Variants in GALNTL6 observed in about 807,000 individuals in gnomAD.
GALNTL6 encodes polypeptide N-acetylgalactosaminyltransferase-like 6.
Under a neutral mutation model 73.7 loss-of-function variants are expected in GALNTL6, and 46 were observed. The observed-to-expected ratio is 0.62, with a 90% CI of 0.49 to 0.80. GALNTL6 has a LOEUF of 0.80. Ranked by LOEUF, GALNTL6 falls within the 30% of genes least tolerant of loss-of-function variation. The probability of loss-of-function intolerance (pLI) is 0.00; values close to 1 mark genes in which losing one functional copy is unlikely to be tolerated. For missense variants in GALNTL6, 604 were observed against 755.0 expected, an observed-to-expected ratio of 0.80 and a Z score of 2.34; for synonymous variants, 259 against 263.7, an observed-to-expected ratio of 0.98 and a Z score of 0.17.
chr4:172,299,752 T>C (rs1739838177), intron 3 of GALNTL6, among the ~76,000 whole-genome samples: 1 of 152,226 alleles, frequency 6.6e-6, no homozygotes, highest in South Asian at 2.1e-4. Context: ...ATAATTTCTG[T>C]TCTTTTACGT....
chr4:173,027,850 A>G (rs1264961321), intron 12 of GALNTL6, among the ~76,000 whole-genome samples: 1 of 152,240 alleles, frequency 6.6e-6, no homozygotes. Context: ...TACAATTAGC[A>G]TAGGCCCAAG....
intron 5 of GALNTL6, among the ~76,000 whole-genome samples, chr4:172,415,548 C>G (rs573737718): frequency 6.6e-6 from 1 of 152,210 alleles, no homozygotes; most frequent in Non-Finnish European, 1.5e-5. Context: ...CGAAGAAAAA[C>G]GACACTCACT....
intron 2 of GALNTL6, among the ~76,000 whole-genome samples, chr4:172,030,656 G>C (rs1019164353): frequency 6.6e-6 from 1 of 152,024 alleles, no homozygotes; most frequent in East Asian, 1.9e-4. Flanking sequence ...GTTGCAGTAA[G>C]CCAAGATCGC....
At chr4:171,942,561 G>A (rs929899263) in intron 2 of GALNTL6, among the ~76,000 whole-genome samples, 1 of 152,156 alleles carries the variant, frequency 6.6e-6, no homozygotes, top group African/African-American at 2.4e-5. Flanking sequence ...TCACTCCTAA[G>A]TCTGTTTATG....
intron 5 of GALNTL6, among the ~76,000 whole-genome samples, chr4:172,430,610 C>T (rs1731409863): frequency 6.6e-6 from 1 of 151,948 alleles, no homozygotes; most frequent in East Asian, 1.9e-4. Context: ...GAATAGGAGA[C>T]ATAATGAGAT....
At chr4:172,228,277 T>C (rs190110104) in intron 2 of GALNTL6, among the ~76,000 whole-genome samples, 12 of 152,270 alleles carry the variant, frequency 7.9e-5, no homozygotes, top group Non-Finnish European at 1.5e-4. Context: ...ATTATCAGTA[T>C]TCCTGATATT....
intron 5 of GALNTL6, among the ~76,000 whole-genome samples, chr4:172,454,933 A>C (rs938061330): frequency 4.6e-5 from 7 of 152,216 alleles, no homozygotes; most frequent in Admixed American, 3.9e-4. Context: ...AAGATGGCCA[A>C]ATAGGAACAG....
chr4:172,652,129 G>T (rs1211303930), intron 5 of GALNTL6, among the ~76,000 whole-genome samples: 1 of 152,186 alleles, frequency 6.6e-6, no homozygotes, highest in African/African-American at 2.4e-5. Context: ...TCTAGATTAT[G>T]TTTAAGGAGC....
At chr4:172,762,990 G>A (rs1166704132) in intron 5 of GALNTL6, among the ~76,000 whole-genome samples, 1 of 138,530 alleles carries the variant, frequency 7.2e-6, no homozygotes, top group Non-Finnish European at 1.5e-5. Context: ...GGCTGCCAGT[G>A]ACATCATTGC....
chr4:172,295,760 C>T (rs2111109718), intron 3 of GALNTL6, among the ~76,000 whole-genome samples: 1 of 151,720 alleles, frequency 6.6e-6, no homozygotes, highest in Middle Eastern at 3.4e-3. Flanking sequence ...TACCCACCAC[C>T]ATTAACACTA....
intron 5 of GALNTL6, among the ~76,000 whole-genome samples, chr4:172,566,209 C>G (rs1736549782): frequency 6.6e-6 from 1 of 152,100 alleles, no homozygotes; most frequent in East Asian, 1.9e-4. Flanking sequence ...CATACAGATA[C>G]AAAATATACC....
intron 3 of GALNTL6, among the ~76,000 whole-genome samples, chr4:172,234,069 A>T (rs1737163311): frequency 6.6e-6 from 1 of 152,052 alleles, no homozygotes; most frequent in African/African-American, 2.4e-5. Context: ...TAATATAGAA[A>T]TGTTAATAAC....
intron 2 of GALNTL6, among the ~76,000 whole-genome samples, chr4:171,942,971 G>A (rs1047403995): frequency 4.6e-5 from 7 of 152,104 alleles, no homozygotes; most frequent in Non-Finnish European, 1.0e-4. Flanking sequence ...TGCTCCAAAA[G>A]CAGAGCCTTA....
At chr4:172,719,732 G>A (rs6843306) in intron 5 of GALNTL6, among the ~76,000 whole-genome samples, 115,748 of 151,964 alleles carry the variant, frequency 0.76, 45,363 homozygotes, top group Middle Eastern at 0.89. Context: ...CTTGGGTCAT[G>A]TGCAAGAAAG....
chr4:172,112,344 C>A (rs1732875498), intron 2 of GALNTL6, among the ~76,000 whole-genome samples: 2 of 152,004 alleles, frequency 1.3e-5, no homozygotes, highest in African/African-American at 4.8e-5. Flanking sequence ...ACGAATAAAG[C>A]TGCTATAAAT....
rs182937908 is a variant in GALNTL6 at position 172,371,823 on chromosome 4, G to A, written c.553+23134G>A. 2.5e-3 allele frequency among the ~76,000 whole-genome samples: 374 copies of A among 151,956 alleles called. 2 individuals carry two copies. The highest frequency in any genetic ancestry group is 8.5e-3 in the African/African-American group (353 of 41,418). On this transcript the variant is annotated intron_variant, in intron 5 of 12. Transcript: ENST00000506823. ...GTTCTCCCCTCTCCTTCCTCTTTTT[G>A]ATGGCTTCAGCAGTGGAAGACTGCC...
intron 5 of GALNTL6, among the ~76,000 whole-genome samples, chr4:172,725,822 T>C (rs1377541279): frequency 6.6e-6 from 1 of 152,200 alleles, no homozygotes; most frequent in African/African-American, 2.4e-5. Context: ...TCTAAGCTTG[T>C]AGATATATCA....
intron 2 of GALNTL6, among the ~76,000 whole-genome samples, chr4:171,881,192 C>T (rs1013519091): frequency 1.3e-5 from 2 of 152,152 alleles, no homozygotes; most frequent in African/African-American, 4.8e-5. Context: ...GAATCCAATA[C>T]ATTAATTTCA....
chr4:172,682,722 A>G (rs1732695614), intron 5 of GALNTL6, among the ~76,000 whole-genome samples: 1 of 152,134 alleles, frequency 6.6e-6, no homozygotes, highest in South Asian at 2.1e-4. Context: ...CTCCCCACTC[A>G]AAAAGGCTAA....
Sources: allele counts gnomAD v4.1 joint callset (sites outside exome capture counted in the v4.1 genomes callset), GRCh38; gene constraint gnomAD v4.1.1; transcripts MANE v1.5; gene names NCBI Gene and HGNC (gene_info 2026-07-23, HGNC 2026-07-21).